Variants in TENT2 observed in about 807,000 individuals in gnomAD.
The protein encoded by TENT2 is terminal nucleotidyltransferase 2, also known as poly(A) RNA polymerase GLD2.
A neutral mutation model predicts 72.2 loss-of-function variants in TENT2; 44 were observed. The ratio of observed to expected loss-of-function variants is 0.61; its 90% CI spans 0.48 to 0.78. The LOEUF (loss-of-function observed/expected upper bound fraction) is 0.78. TENT2 is among the 30% of genes least tolerant of loss of function. The pLI is 0.00. For missense variants in TENT2, 541 were observed against 569.6 expected (o/e 0.95, Z 0.51); for synonymous variants, 212 against 192.5 (o/e 1.10, Z -0.84).
intron 1 of TENT2, among the ~76,000 whole-genome samples, chr5:79,616,881 A>T (rs2149832887): frequency 6.6e-6 from 1 of 152,290 alleles, no homozygotes; most frequent in South Asian, 2.1e-4. Context: ...TTTTGTCCAC[A>T]ATCTGTTATG....
At chr5:79,615,373 A>G (rs112999802) in intron 1 of TENT2, among the ~76,000 whole-genome samples, 1,575 of 152,352 alleles carry the variant, frequency 0.01, 11 homozygotes, top group Middle Eastern at 0.017. Context: ...TTTTATAGGT[A>G]TAAACAAAAG....
At chr5:79,654,377 G>A (rs1796376014) in intron 10 of TENT2, among the ~76,000 whole-genome samples, 1 of 152,054 alleles carries the variant, frequency 6.6e-6, no homozygotes, top group Non-Finnish European at 1.5e-5. Context: ...GTTGCAGTGA[G>A]CCTAGATTGT....
chr5:79,653,476 G>T (rs974936914), intron 10 of TENT2, among the ~76,000 whole-genome samples: 6 of 152,170 alleles, frequency 3.9e-5, no homozygotes, highest in Non-Finnish European at 7.3e-5. Context: ...CTGACCAGCA[G>T]AGTGACTGTG....
In TENT2 at chr5:79,626,865, C is replaced by T. The variant is rs1253314794; in HGVS notation, c.465+3376C>T. Among the ~76,000 whole-genome samples the T allele has an allele frequency of 2.6e-5, 4 of 151,972 alleles. No homozygotes were observed. In the East Asian group the frequency reaches 7.8e-4, roughly 30 times the overall value. On this transcript the variant is annotated intron_variant, in intron 4 of 14. Coordinates refer to ENST00000453514, the MANE Select transcript of TENT2 (RefSeq NM_001114394.3). The stretch of plus-strand genomic sequence containing the variant: ...AGAACCTTTTTGCTGGGTGTGGTGG[C>T]TCACGCCTGTAATCCCAGCACTTTG...
chr5:79,633,470 C>T (rs960083428), intron 4 of TENT2, among the ~76,000 whole-genome samples: 7 of 96,918 alleles, frequency 7.2e-5, no homozygotes, highest in East Asian at 6.8e-4. Flanking sequence ...GACAGAGTTT[C>T]GCTCTTGTTG....
chr5:79,644,307 T>C (rs1039653022), intron 7 of TENT2, among the ~76,000 whole-genome samples: 1 of 152,118 alleles, frequency 6.6e-6, no homozygotes, highest in Admixed American at 6.6e-5. Context: ...ATTTTGATGG[T>C]AAAACATTGT....
At chr5:79,652,157 A>G (rs1794639029) in intron 10 of TENT2, among the ~76,000 whole-genome samples, 1 of 152,034 alleles carries the variant, frequency 6.6e-6, no homozygotes. Context: ...ACATATATGG[A>G]TGTACATGTA....
At chr5:79,660,482 CATTT>C (rs149843275) in intron 11 of TENT2, among the ~76,000 whole-genome samples, 9,729 of 152,074 alleles carry the variant, frequency 0.064, 412 homozygotes, top group South Asian at 0.13. Context: ...CTCTAGGAAA[CATTT>C]ATGTTAATAC....
chr5:79,640,090 C>T (rs1192440997), intron 4 of TENT2, among the ~76,000 whole-genome samples: 2 of 152,084 alleles, frequency 1.3e-5, no homozygotes, highest in Non-Finnish European at 2.9e-5. Flanking sequence ...AACCCTGTCT[C>T]TACAAAGATT....
chr5:79,616,877 C>T, intron 1 of TENT2, among the ~76,000 whole-genome samples: 1 of 152,098 alleles, frequency 6.6e-6, no homozygotes, highest in South Asian at 2.1e-4. Context: ...AGAATTTTGT[C>T]CACAATCTGT....
rs1787787777 is a variant in TENT2, at chr5:79,645,104, ATTATCTT to A, written c.752-16_752-10del. 2.5e-6 allele frequency: 4 copies of A among 1,579,624 alleles called. No individual in the cohort carries two copies. The highest frequency in any genetic ancestry group is 1.7e-6 in the Non-Finnish European group (2 of 1,165,584). On this transcript the variant is annotated splice_polypyrimidine_tract_variant and intron_variant, in intron 7 of 14. Coordinates refer to ENST00000453514, the MANE Select transcript of TENT2 (RefSeq NM_001114394.3). Reference sequence around the variant, plus strand: ...TCTAGAAACATTTGCAGCTATTCACATTATCTTTTGTCTTTCAGCGGGCTACATTGAG... The same window carrying A: ...TCTAGAAACATTTGCAGCTATTCACATTGTCTTTCAGCGGGCTACATTGAG...
intron 4 of TENT2, among the ~76,000 whole-genome samples, chr5:79,635,548 G>A (rs1330199744): frequency 6.6e-6 from 1 of 152,036 alleles, no homozygotes; most frequent in Non-Finnish European, 1.5e-5. Flanking sequence ...TTTCACTTGG[G>A]CATTGTGAAG....
chr5:79,652,173 AT>A, intron 10 of TENT2, among the ~76,000 whole-genome samples: 1 of 152,046 alleles, frequency 6.6e-6, no homozygotes, highest in Non-Finnish European at 1.5e-5. Flanking sequence ...ATGTAAAGCT[AT>A]TTTTTTATGG....
chr5:79,648,431 A>G (rs1790920381), intron 8 of TENT2, among the ~76,000 whole-genome samples, 186 bp from the exon 9 acceptor site: 1 of 152,242 alleles, frequency 6.6e-6, no homozygotes, highest in South Asian at 2.1e-4. Context: ...TCACATTGAA[A>G]TAACATACTG....
At chr5:79,643,456 G>A (rs939392095) in intron 7 of TENT2, among the ~76,000 whole-genome samples, 1 of 152,150 alleles carries the variant, frequency 6.6e-6, no homozygotes, top group Non-Finnish European at 1.5e-5. Flanking sequence ...TAATCCACAT[G>A]TTAAGCCATC....
intron 4 of TENT2, 31 bp downstream of exon 4, chr5:79,623,520 T>G: frequency 6.9e-7 from 1 of 1,454,030 alleles, no homozygotes; most frequent in Non-Finnish European, 9.4e-7. Context: ...AGTTTTGCCT[T>G]TTGGGAATTT....
chr5:79,617,645 G>C (rs954795379), intron 1 of TENT2: 8 of 152,024 alleles, frequency 5.3e-5, no homozygotes, highest in Non-Finnish European at 1.0e-4. Flanking sequence ...CCTTTTTCTA[G>C]ATTCCAGGTT....
chr5:79,681,383 C>A (rs1821792228), intron 13 of TENT2, among the ~76,000 whole-genome samples: 1 of 151,784 alleles, frequency 6.6e-6, no homozygotes, highest in South Asian at 2.1e-4. Context: ...TGGTCTCGAT[C>A]TCTTGACCTT....
At chr5:79,681,324 T>A (rs1821711704) in intron 13 of TENT2, among the ~76,000 whole-genome samples, 1 of 151,762 alleles carries the variant, frequency 6.6e-6, no homozygotes, top group African/African-American at 2.4e-5. Context: ...CATGCCCAGC[T>A]AATTTTTGTA....
Sources: allele counts gnomAD v4.1 joint callset (sites outside exome capture counted in the v4.1 genomes callset), GRCh38; gene constraint gnomAD v4.1.1; transcripts MANE v1.5; gene names NCBI Gene and HGNC (gene_info 2026-07-23, HGNC 2026-07-21).